COMMD8: variants seen among roughly 807,000 people sequenced by gnomAD.
COMMD8 encodes the protein COMM domain-containing protein 8.
In COMMD8, 28 loss-of-function variants were observed where a neutral mutation model predicts 27.2. The observed-to-expected ratio is 1.03, with a 90% CI of 0.76 to 1.41. COMMD8 has a LOEUF of 1.41. COMMD8 is among the 40% of genes most tolerant of loss of function. The pLI, the probability that COMMD8 is intolerant of heterozygous loss-of-function variation, is 0.00. For missense variants in COMMD8, 217 were observed against 211.2 expected, an observed-to-expected ratio of 1.03 and a Z score of -0.17; for synonymous variants, 79 against 75.5, an observed-to-expected ratio of 1.05 and a Z score of -0.24.
In COMMD8 at chr4:47,451,614, A is replaced by T. The variant is rs1356604053; in HGVS notation, c.*31T>A. 6 of 1,577,976 alleles carry T rather than the reference A, an allele frequency of 3.8e-6. 1 individual carries two copies. In the South Asian group the frequency reaches 6.8e-5, roughly 18 times the overall value. On this transcript the variant is annotated 3_prime_UTR_variant, in exon 5 of 5. Coordinates refer to ENST00000381571, the MANE Select transcript of COMMD8 (RefSeq NM_017845.5). ...CTGCCATATAAGTTGGAGCAATAAAATCTGATAGGACTGGTATTCATCATT... is the reference window on the plus strand; with the variant it reads ...CTGCCATATAAGTTGGAGCAATAAATTCTGATAGGACTGGTATTCATCATT...
chr4:47,460,798 A>T (rs1218676385), intron 1 of COMMD8, among the ~76,000 whole-genome samples: 1 of 152,100 alleles, frequency 6.6e-6, no homozygotes, highest in Non-Finnish European at 1.5e-5. Context: ...GCACCACCGC[A>T]CCCAGCTCAG....
In COMMD8 at chr4:47,451,276, T is replaced by C. The variant is rs1729745508; in HGVS notation, c.*369A>G. 4.4e-6 allele frequency: 1 copy of C among 225,578 alleles called. No homozygotes were observed. The highest frequency in any genetic ancestry group is 8.7e-6 in the Non-Finnish European group (1 of 115,270). 14.0% of individuals were successfully genotyped at this position (225,578 alleles called of 1,614,324 possible). A position where few individuals can be genotyped will look rare whatever the true frequency, so the allele number is the denominator to read the frequency against. ...TAATATATGTTGCTATTCACACAAT[T>C]CTTTAAGCAATATTCAAGTATATTT... On this transcript the variant is annotated 3_prime_UTR_variant, in exon 5 of 5. Coordinates refer to ENST00000381571, the MANE Select transcript of COMMD8 (RefSeq NM_017845.5).
Position 47,453,124 on chromosome 4 carries a change from A to G in COMMD8, c.466T>C (p.Tyr156His). Residue 156 changes from tyrosine to histidine, a missense_variant, in exon 4 of 5, where the codon TAT (tyrosine) becomes CAT (histidine). Transcript: ENST00000381571. ...DVKENGEVKP[Y>H]SIEMSREELQ... ...TCCTCTCTACTCATTTCAATAGAAT[A>G]AGGTTTTACTTCACCATTTTCTTTT... The G allele has an allele frequency of 4.3e-6, 7 of 1,613,828 alleles. No individual in the cohort carries two copies. Among genetic ancestry groups the G allele is most frequent in the Non-Finnish European group, 5.9e-6 (7 of 1,179,682 alleles).
At chr4:47,462,142 C>T (rs558536404) in intron 1 of COMMD8, among the ~76,000 whole-genome samples, 73 of 152,232 alleles carry the variant, frequency 4.8e-4, no homozygotes, top group African/African-American at 1.7e-3. Flanking sequence ...CTGTGCTCAA[C>T]CGGGAAGCAA....
At chr4:47,452,569 T>C (rs1729780108) in intron 4 of COMMD8, among the ~76,000 whole-genome samples, 1 of 151,846 alleles carries the variant, frequency 6.6e-6, no homozygotes, top group African/African-American at 2.4e-5. Flanking sequence ...AATTGAACAT[T>C]ACAAGTTATA....
Position 47,456,267 on chromosome 4 carries a change from C to CATATATATATAT in COMMD8, c.375+298_375+309dup, listed in dbSNP as rs34279197. Among the ~76,000 whole-genome samples the CATATATATATAT allele has an allele frequency of 1.4e-3, 166 of 118,950 alleles. 1 individual carries two copies. Among genetic ancestry groups the CATATATATATAT allele is most frequent in the East Asian group, 6.1e-3 (21 of 3,460 alleles). The allele number at this position is 118,950 out of a possible 152,430, so 78.0% of individuals were successfully genotyped here. A position where few individuals can be genotyped will look rare whatever the true frequency, so the allele number is the denominator to read the frequency against. ...TGTCTCAAAAAATAAATAAATTATA[C>CATATATATATAT]ATATATATATATATATATATATATA... On this transcript the variant is annotated intron_variant, in intron 3 of 4. Coordinates refer to ENST00000381571, the MANE Select transcript of COMMD8 (RefSeq NM_017845.5).
At chr4:47,463,534 G>A in intron 1 of COMMD8, 52 bp downstream of exon 1, 1 of 1,506,732 alleles carries the variant, frequency 6.6e-7, no homozygotes, top group African/African-American at 1.4e-5. Context: ...CCGCACGCCG[G>A]GCTGTCGCGA....
intron 3 of COMMD8, among the ~76,000 whole-genome samples, 194 bp downstream of exon 3, chr4:47,456,383 G>A (rs576251448): frequency 6.8e-6 from 1 of 147,370 alleles, no homozygotes; most frequent in African/African-American, 2.5e-5. Flanking sequence ...TCAATGTAAT[G>A]TTATTATACA....
At chr4:47,463,377 A>G (rs1302215110) in intron 1 of COMMD8, among the ~76,000 whole-genome samples, 1 of 152,244 alleles carries the variant, frequency 6.6e-6, no homozygotes, top group African/African-American at 2.4e-5. Flanking sequence ...AAGCCCCTGG[A>G]GCTGCACCTC....
chr4:47,457,815 C>A (rs1729931355), intron 2 of COMMD8, among the ~76,000 whole-genome samples: 1 of 149,504 alleles, frequency 6.7e-6, no homozygotes, highest in African/African-American at 2.5e-5. Flanking sequence ...AACTTAACAC[C>A]TTGACAATAG....
chr4:47,460,329 TATA>T, intron 1 of COMMD8, 30 bp from the exon 2 acceptor site: 1 of 1,584,162 alleles, frequency 6.3e-7, no homozygotes, highest in Non-Finnish European at 8.6e-7. Context: ...TAAATGTACT[TATA>T]AGTAAAATGA....
intron 1 of COMMD8, among the ~76,000 whole-genome samples, chr4:47,461,783 T>C (rs192715655): frequency 6.6e-6 from 1 of 152,338 alleles, no homozygotes; most frequent in Non-Finnish European, 1.5e-5. Flanking sequence ...CCATTGTTAT[T>C]ATTTCTATTT....
chr4:47,460,310 A>C lies in COMMD8; in HGVS notation c.67-11T>G. ...TATTTTGTGAAGAAGCTAGCAAGAA[A>C]AAAGGAAATAAATGTACTTATAAGT... On this transcript the variant is annotated splice_polypyrimidine_tract_variant and intron_variant, in intron 1 of 4. Transcript: ENST00000381571. 6.2e-7 allele frequency: 1 copy of C among 1,607,094 alleles called. No homozygotes were observed. The highest frequency in any genetic ancestry group is 1.3e-5 in the African/African-American group (1 of 74,772).
At chr4:47,462,322 G>T (rs1730045584) in intron 1 of COMMD8, among the ~76,000 whole-genome samples, 1 of 152,040 alleles carries the variant, frequency 6.6e-6, no homozygotes, top group Admixed American at 6.6e-5. Flanking sequence ...GAAGAGATGT[G>T]AAAAGGGGGG....
intron 3 of COMMD8, among the ~76,000 whole-genome samples, chr4:47,453,569 T>C (rs1578172217): frequency 6.6e-6 from 1 of 152,300 alleles, no homozygotes; most frequent in East Asian, 1.9e-4. Flanking sequence ...TGAAAGTTCA[T>C]GTACAAAGAT....
rs903381181 is a variant in COMMD8 at position 47,451,500 on chromosome 4, T to C, written c.*145A>G. The C allele has an allele frequency of 7.8e-6, 5 of 638,964 alleles. No homozygotes were observed. In the African/African-American group the frequency reaches 7.9e-5, roughly 10 times the overall value. The allele number at this position is 638,964 out of a possible 1,614,324, so 39.6% of individuals were successfully genotyped here. Reference sequence around the variant, plus strand: ...TTCCTGTTAAGGAATGTTGATAAATTTTTATCTTTATAATATCAATATTGC... The same window carrying C: ...TTCCTGTTAAGGAATGTTGATAAATCTTTATCTTTATAATATCAATATTGC... On this transcript the variant is annotated 3_prime_UTR_variant, in exon 5 of 5. Coordinates refer to ENST00000381571, the MANE Select transcript of COMMD8 (RefSeq NM_017845.5).
At position 47,450,879 on chromosome 4, in the gene COMMD8, A is replaced by G. The variant is rs369736016; in HGVS notation, c.*766T>C. ...AATTTAACATCCCAAAGTATTCAATATTGAGTTTATTAACAAAAGTGGATG... is the reference window on the plus strand; with the variant it reads ...AATTTAACATCCCAAAGTATTCAATGTTGAGTTTATTAACAAAAGTGGATG... On this transcript the variant is annotated 3_prime_UTR_variant, in exon 5 of 5. Transcript: ENST00000381571. 1.3e-5 allele frequency: 2 copies of G among 152,358 alleles called. No homozygotes were observed. The highest frequency in any genetic ancestry group is 3.9e-4 in the East Asian group (2 of 5,190). The allele number at this position is 152,358 out of a possible 1,614,324, so 9.4% of individuals were successfully genotyped here.
chr4:47,456,610 A>G lies in COMMD8; in HGVS notation c.342T>C (p.Ser114=), dbSNP rs1248122349. 3 of 1,609,638 alleles carry G rather than the reference A, an allele frequency of 1.9e-6. No homozygotes were observed. The highest frequency in any genetic ancestry group is 2.5e-6 in the Non-Finnish European group (3 of 1,178,428). Residue 114 remains serine (S), a synonymous_variant, in exon 3 of 5, where the codon TCT becomes TCC. Coordinates refer to ENST00000381571, the MANE Select transcript of COMMD8 (RefSeq NM_017845.5). ...GCCAATCAAAATCCTGTAGCTGTGC[A>G]GAGGAAATAGCAACTATTTCTCTTG... The part of the protein sequence containing the change: ...ALSREIVAIS[S]AQLQDFDWQV...
rs1269308193 is a variant in COMMD8, at chr4:47,451,391, T to C, written c.*254A>G. On this transcript the variant is annotated 3_prime_UTR_variant, in exon 5 of 5. Coordinates refer to ENST00000381571, the MANE Select transcript of COMMD8 (RefSeq NM_017845.5). ...AAAGATTTCTCAAATATTTAATAAA[T>C]GAGGCAAAACAATCATGAAAATATA... The C allele has an allele frequency of 2.5e-6, 1 of 399,554 alleles. No homozygotes were observed. The highest frequency in any genetic ancestry group is 5.0e-5 in the East Asian group (1 of 20,018). 24.8% of individuals were successfully genotyped at this position (399,554 alleles called of 1,614,324 possible). A position where few individuals can be genotyped will look rare whatever the true frequency, so the allele number is the denominator to read the frequency against.
Sources: gnomAD v4.1 joint callset for allele counts (sites outside exome capture counted in the v4.1 genomes callset) on GRCh38, gnomAD v4.1.1 for gene constraint, MANE v1.5 for transcripts, NCBI Gene and HGNC (gene_info 2026-07-23, HGNC 2026-07-21) for gene names.